Variants in KCNIP4 observed in about 807,000 individuals in gnomAD.
KCNIP4 encodes Kv channel-interacting protein 4.
A neutral mutation model predicts 34.0 loss-of-function variants in KCNIP4; 12 were observed. The ratio of observed to expected loss-of-function variants is 0.35; its 90% confidence interval spans 0.23 to 0.57. The LOEUF (loss-of-function observed/expected upper bound fraction) is 0.57, where lower values mean the gene tolerates loss of function less well. Among genes scored for constraint, KCNIP4 ranks in the 20% least tolerant of loss-of-function variants. KCNIP4 has a pLI of 0.83. For missense variants in KCNIP4, 238 were observed against 311.7 expected (o/e 0.76, Z 1.78); for synonymous variants, 124 against 102.2 (o/e 1.21, Z -1.29).
intron 1 of KCNIP4, among the ~76,000 whole-genome samples, chr4:21,889,412 T>G (rs1482626665): frequency 6.6e-6 from 1 of 152,030 alleles, no homozygotes; most frequent in Admixed American, 6.6e-5. Context: ...ACACTTCTGA[T>G]CTCAAACATT....
At chr4:21,771,353 A>G (rs2109191241) in intron 1 of KCNIP4, among the ~76,000 whole-genome samples, 1 of 152,272 alleles carries the variant, frequency 6.6e-6, no homozygotes, top group East Asian at 1.9e-4. Flanking sequence ...GCCTTGTAGT[A>G]TAGTTTGAAG....
intron 1 of KCNIP4, among the ~76,000 whole-genome samples, chr4:21,111,675 G>C (rs1334370837): frequency 1.3e-5 from 2 of 152,218 alleles, no homozygotes; most frequent in Non-Finnish European, 2.9e-5. Context: ...ATGGGATCAG[G>C]AGTAGCAGAA....
intron 1 of KCNIP4, among the ~76,000 whole-genome samples, chr4:21,460,818 A>G (rs1729402749): frequency 1.3e-5 from 2 of 152,036 alleles, no homozygotes; most frequent in African/African-American, 2.4e-5. Flanking sequence ...AAAATTCCCA[A>G]TGTTTCACAC....
At chr4:21,233,860 T>C (rs1003595057) in intron 1 of KCNIP4, among the ~76,000 whole-genome samples, 1 of 138,846 alleles carries the variant, frequency 7.2e-6, no homozygotes, top group South Asian at 2.2e-4. Context: ...ATATAGTCAA[T>C]ATGACTTTGA....
rs1470848565 is a variant in KCNIP4, at chr4:20,729,524, TAATTTCTAAC to T, written c.*548_*557del. ...AATGTTTAAAAATGCCAGATAAAAC[TAATTTCTAAC>T]AGAAGGTGGGAAGGCCATAGAAACT... On this transcript the variant is annotated 3_prime_UTR_variant, in exon 9 of 9. Transcript: ENST00000382152. The T allele has an allele frequency of 1.5e-5, 2 of 133,612 alleles. No individual in the cohort carries two copies. The highest frequency in any genetic ancestry group is 3.4e-5 in the Non-Finnish European group (2 of 59,058). The allele number at this position is 133,612 out of a possible 1,614,324, so 8.3% of individuals were successfully genotyped here.
intron 1 of KCNIP4, among the ~76,000 whole-genome samples, chr4:21,340,495 A>G (rs1716645060): frequency 6.6e-6 from 1 of 152,184 alleles, no homozygotes. Context: ...GTATAGAATA[A>G]TAACTTGGCA....
intron 1 of KCNIP4, among the ~76,000 whole-genome samples, chr4:20,937,467 C>T (rs1015763700): frequency 2.0e-4 from 30 of 151,074 alleles, no homozygotes; most frequent in Non-Finnish European, 3.4e-4. Context: ...ATCTCCTGAC[C>T]TAGTGATCCA....
chr4:21,252,694 C>T (rs1760801152), intron 1 of KCNIP4, among the ~76,000 whole-genome samples: 1 of 151,536 alleles, frequency 6.6e-6, no homozygotes, highest in East Asian at 1.9e-4. Flanking sequence ...TGATAGAAAA[C>T]TCAGTCCAGG....
chr4:21,391,991 C>T (rs994276083), intron 1 of KCNIP4, among the ~76,000 whole-genome samples: 5 of 152,148 alleles, frequency 3.3e-5, no homozygotes, highest in African/African-American at 1.2e-4. Context: ...GGGATAGTAT[C>T]ATTAACTTTT....
chr4:21,294,361 C>T (rs1009527445), intron 1 of KCNIP4, among the ~76,000 whole-genome samples: 3 of 152,170 alleles, frequency 2.0e-5, no homozygotes, highest in Non-Finnish European at 4.4e-5. Context: ...AAGCCTGGTT[C>T]CCAGCCTCAC....
chr4:21,630,214 C>T (rs1026228357), intron 1 of KCNIP4, among the ~76,000 whole-genome samples: 5 of 151,538 alleles, frequency 3.3e-5, no homozygotes, highest in African/African-American at 1.2e-4. Flanking sequence ...TGCCTGTAAT[C>T]CCAGCACTTT....
intron 1 of KCNIP4, among the ~76,000 whole-genome samples, chr4:21,471,510 T>A (rs892558238): frequency 6.6e-6 from 1 of 152,198 alleles, no homozygotes; most frequent in Non-Finnish European, 1.5e-5. Flanking sequence ...TTTATATATT[T>A]TATCATGATT....
chr4:21,050,225 G>C (rs533676198), intron 1 of KCNIP4, among the ~76,000 whole-genome samples: 2 of 152,086 alleles, frequency 1.3e-5, no homozygotes, highest in Admixed American at 6.6e-5. Context: ...TCACAAGATC[G>C]TTATACTTGG....
intron 1 of KCNIP4, among the ~76,000 whole-genome samples, chr4:20,993,150 G>A (rs1042080203): frequency 6.6e-6 from 1 of 152,054 alleles, no homozygotes; most frequent in African/African-American, 2.4e-5. Flanking sequence ...TGAGGTCATG[G>A]CACAGGACTG....
intron 2 of KCNIP4, among the ~76,000 whole-genome samples, chr4:20,856,487 T>A (rs1426473114): frequency 1.3e-5 from 2 of 152,210 alleles, no homozygotes; most frequent in Non-Finnish European, 2.9e-5. Context: ...CATAACATCA[T>A]GATCTGCTCA....
chr4:21,756,739 GA>G (rs765240349), intron 1 of KCNIP4, among the ~76,000 whole-genome samples: 1 of 151,936 alleles, frequency 6.6e-6, no homozygotes, highest in African/African-American at 2.4e-5. Context: ...AAAAATCAAT[GA>G]ACACTCCTGA....
At chr4:21,714,771 AGTAATTTCCCTTTG>A (rs1056058101) in intron 1 of KCNIP4, among the ~76,000 whole-genome samples, 17 of 131,150 alleles carry the variant, frequency 1.3e-4, no homozygotes, top group African/African-American at 4.9e-4. Context: ...AGAATGTGTT[AGTAATTTCCCTTTG>A]ATTATTTTAT....
chr4:21,621,613 C>T (rs1363193027), intron 1 of KCNIP4, among the ~76,000 whole-genome samples: 3 of 152,094 alleles, frequency 2.0e-5, no homozygotes, highest in East Asian at 1.9e-4. Context: ...CCACCTTAGC[C>T]TCCCAAAGTG....
intron 1 of KCNIP4, among the ~76,000 whole-genome samples, chr4:21,795,365 G>A (rs1388900254): frequency 2.6e-5 from 4 of 152,164 alleles, no homozygotes; most frequent in Admixed American, 1.3e-4. Flanking sequence ...CGTCTGTTGC[G>A]TAAGCCACCC....
Sources: allele counts gnomAD v4.1 joint callset (sites outside exome capture counted in the v4.1 genomes callset), GRCh38; gene constraint gnomAD v4.1.1; transcripts MANE v1.5; gene names NCBI Gene and HGNC (gene_info 2026-07-23, HGNC 2026-07-21).